CTNND2: variants seen among roughly 807,000 people sequenced by gnomAD.
CTNND2 encodes catenin delta 2.
In CTNND2, 22 loss-of-function variants were observed where a neutral mutation model predicts 144.4. The ratio of observed to expected loss-of-function variants is 0.15; its 90% CI spans 0.11 to 0.22. CTNND2 has a LOEUF of 0.22. CTNND2 is among the 10% of genes least tolerant of loss of function. The pLI is 1.00. For synonymous variants in CTNND2, 751 were observed against 695.6 expected, an observed-to-expected ratio of 1.08 and a Z score of -1.25; for missense variants, 1,353 against 1,618.8, an observed-to-expected ratio of 0.84 and a Z score of 2.82.
intron 2 of CTNND2, among the ~76,000 whole-genome samples, chr5:11,622,075 C>G (rs1581621494): frequency 6.6e-6 from 1 of 152,196 alleles, no homozygotes; most frequent in Non-Finnish European, 1.5e-5. Context: ...GACCTGATAC[C>G]AGGTTTATCA....
intron 3 of CTNND2, among the ~76,000 whole-genome samples, chr5:11,525,524 A>G (rs1581410411): frequency 6.6e-6 from 1 of 152,208 alleles, no homozygotes; most frequent in African/African-American, 2.4e-5. Context: ...TCACCTACCT[A>G]TGAGACCACA....
At chr5:11,052,170 T>C (rs1478282253) in intron 16 of CTNND2, among the ~76,000 whole-genome samples, 2 of 152,200 alleles carry the variant, frequency 1.3e-5, no homozygotes, top group African/African-American at 4.8e-5. Context: ...TTTTAGATCA[T>C]TGATGGTTTT....
intron 2 of CTNND2, among the ~76,000 whole-genome samples, chr5:11,593,883 C>CTCA (rs3035098): frequency 0.39 from 59,765 of 151,856 alleles, 11,943 homozygotes; most frequent in African/African-American, 0.46. Context: ...CCACTAAGTA[C>CTCA]TCATTAGAAT....
intron 10 of CTNND2, among the ~76,000 whole-genome samples, chr5:11,224,640 G>A (rs749183537): frequency 4.6e-5 from 7 of 152,126 alleles, no homozygotes; most frequent in Non-Finnish European, 1.0e-4. Context: ...GTGCATGACC[G>A]CTAGTATCCT....
intron 10 of CTNND2, among the ~76,000 whole-genome samples, chr5:11,215,965 A>C (rs916817117): frequency 6.6e-6 from 1 of 152,256 alleles, no homozygotes; most frequent in African/African-American, 2.4e-5. Context: ...TATTCAACAT[A>C]TAATCGACAC....
At chr5:11,885,695 A>G (rs1168932296) in intron 1 of CTNND2, among the ~76,000 whole-genome samples, 1 of 152,214 alleles carries the variant, frequency 6.6e-6, no homozygotes, top group African/African-American at 2.4e-5. Flanking sequence ...ACATTTATTG[A>G]ACATTTCATC....
At chr5:11,063,234 G>T (rs778237368) in intron 16 of CTNND2, among the ~76,000 whole-genome samples, 1 of 152,022 alleles carries the variant, frequency 6.6e-6, no homozygotes, top group African/African-American at 2.4e-5. Context: ...AGAATAAAAT[G>T]AGACAACCTT....
intron 3 of CTNND2, among the ~76,000 whole-genome samples, chr5:11,440,578 T>C (rs1454972983): frequency 1.3e-5 from 2 of 152,198 alleles, no homozygotes; most frequent in African/African-American, 4.8e-5. Context: ...TACTGGGAAA[T>C]AGTAGCCTTG....
chr5:11,663,507 A>G (rs988510660), intron 2 of CTNND2, among the ~76,000 whole-genome samples: 4 of 152,168 alleles, frequency 2.6e-5, no homozygotes, highest in Non-Finnish European at 5.9e-5. Flanking sequence ...CCATTAAAAT[A>G]TGATGTCTTC....
At chr5:11,172,107 G>T (rs910891870) in intron 11 of CTNND2, among the ~76,000 whole-genome samples, 2 of 152,132 alleles carry the variant, frequency 1.3e-5, no homozygotes, top group Non-Finnish European at 2.9e-5. Context: ...TGATCCACCT[G>T]GGGGGCATTA....
intron 3 of CTNND2, among the ~76,000 whole-genome samples, chr5:11,535,323 C>A (rs1278324161): frequency 6.6e-6 from 1 of 152,006 alleles, no homozygotes; most frequent in Admixed American, 6.6e-5. Flanking sequence ...GTCAAAGAAA[C>A]AGCCTGCAAT....
At chr5:11,287,943 A>G (rs1035689368) in intron 9 of CTNND2, among the ~76,000 whole-genome samples, 3 of 152,158 alleles carry the variant, frequency 2.0e-5, no homozygotes, top group Non-Finnish European at 2.9e-5. Context: ...TAGTTTTTTT[A>G]TTTTTATTTT....
chr5:11,711,918 G>C (rs1435615953), intron 2 of CTNND2, among the ~76,000 whole-genome samples: 1 of 152,218 alleles, frequency 6.6e-6, no homozygotes, highest in Non-Finnish European at 1.5e-5. Context: ...GTGAGGCATG[G>C]TGCCTGGATC....
At chr5:11,562,283 CTCTT>C (rs1776743343) in intron 3 of CTNND2, among the ~76,000 whole-genome samples, 1 of 152,104 alleles carries the variant, frequency 6.6e-6, no homozygotes, top group Non-Finnish European at 1.5e-5. Flanking sequence ...TAAAATAGCC[CTCTT>C]TTTTTAAAAA....
intron 3 of CTNND2, among the ~76,000 whole-genome samples, chr5:11,523,237 C>T (rs1009553899): frequency 6.6e-6 from 1 of 152,062 alleles, no homozygotes; most frequent in Non-Finnish European, 1.5e-5. Context: ...TGTGGTAATA[C>T]GTGGAAGCAC....
intron 12 of CTNND2, among the ~76,000 whole-genome samples, chr5:11,150,050 C>T (rs1757600337): frequency 6.6e-6 from 1 of 152,204 alleles, no homozygotes. Flanking sequence ...AAGATCCCAT[C>T]CCAGAGAGGC....
At chr5:11,374,644 A>C (rs2149785933) in intron 7 of CTNND2, among the ~76,000 whole-genome samples, 1 of 152,270 alleles carries the variant, frequency 6.6e-6, no homozygotes, top group East Asian at 1.9e-4. Flanking sequence ...ATTTCTCAAC[A>C]GCTGTGTCTC....
chr5:11,726,700 T>C (rs1787042742), intron 2 of CTNND2, among the ~76,000 whole-genome samples: 1 of 152,186 alleles, frequency 6.6e-6, no homozygotes, highest in Admixed American at 6.5e-5. Context: ...AAACCCCACA[T>C]ACTAAAGGCT....
chr5:11,159,013 C>T lies in CTNND2; in HGVS notation c.2159+563G>A, dbSNP rs61753305. Among the ~76,000 whole-genome samples the T allele has an allele frequency of 2.6e-3, 400 of 152,202 alleles. 2 individuals carry two copies. Among genetic ancestry groups the T allele is most frequent in the African/African-American group, 8.9e-3 (370 of 41,516 alleles). The stretch of plus-strand genomic sequence containing the variant: ...GATTCCTGATGATTTTTGTGAAAAA[C>T]GCATCAGGAGAGAATCACAAGACAT... On this transcript the variant is annotated intron_variant, in intron 12 of 21. Coordinates refer to ENST00000304623, the MANE Select transcript of CTNND2 (RefSeq NM_001332.4).
Sources: gnomAD v4.1 joint callset for allele counts (sites outside exome capture counted in the v4.1 genomes callset) on GRCh38, gnomAD v4.1.1 for gene constraint, MANE v1.5 for transcripts, NCBI Gene and HGNC (gene_info 2026-07-23, HGNC 2026-07-21) for gene names.